Variants in CUBN observed in about 807,000 individuals in gnomAD.
CUBN encodes 460 kDa receptor.
Under a neutral mutation model 405.3 loss-of-function variants are expected in CUBN, and 282 were observed. The ratio of observed to expected loss-of-function variants is 0.70; its 90% CI spans 0.63 to 0.77. The LOEUF (loss-of-function observed/expected upper bound fraction) is 0.77. Ranked by LOEUF, CUBN falls within the 30% of genes least tolerant of loss-of-function variation. CUBN has a pLI of 0.00. For synonymous variants in CUBN, 1,684 were observed against 1,617.0 expected (o/e 1.04, Z -0.99); for missense variants, 4,514 against 4,475.2 (o/e 1.01, Z -0.25).
Position 17,123,639 on chromosome 10 carries a change from G to C in CUBN, c.438C>G (p.Thr146=). ...CSSNPCQNGG[T]CLNLHDSFFC... ...AAAAGGAATCATGCAGATTGAGGCA[G>C]GTTCCACCATTCTGGCAAGGATTGC... Residue 146 remains threonine (T), a synonymous_variant, in exon 5 of 67, where the codon ACC becomes ACG. Transcript: ENST00000377833. 2.5e-6 allele frequency: 4 copies of C among 1,614,096 alleles called. No homozygotes were observed. Among genetic ancestry groups the C allele is most frequent in the Non-Finnish European group, 3.4e-6 (4 of 1,180,022 alleles).
intron 28 of CUBN, 79 bp downstream of exon 28, chr10:17,019,754 C>T (rs1834440966): frequency 6.4e-7 from 1 of 1,552,774 alleles, no homozygotes; most frequent in Non-Finnish European, 8.9e-7. Flanking sequence ...GGTATTGTTT[C>T]TAAGTTTGGA....
chr10:16,960,410 T>C (rs954540005), intron 31 of CUBN, among the ~76,000 whole-genome samples: 7 of 152,104 alleles, frequency 4.6e-5, no homozygotes, highest in African/African-American at 1.7e-4. Context: ...GAGAATTGCT[T>C]GAACCCAGGA....
rs544783535 is a variant in CUBN, at chr10:16,888,491, A to G, written c.8831T>C (p.Met2944Thr). ...AGCCTCTATGACATAGGTGCAATTC[A>G]TGTTGTTGTCATATTGTTTTGGGTA... is the stretch of plus-strand genomic sequence containing the variant. ...PNYPKQYDNN[M>T]NCTYVIEANP... Residue 2944 changes from methionine (M) to threonine (T), a missense_variant, in exon 56 of 67, where the codon ATG (methionine) becomes ACG (threonine). Around this residue, in one of 5 missense-constraint regions of CUBN, gnomAD observed 1,186 missense variants for 1,186.9 expected, o/e 1.00. Transcript: ENST00000377833. The G allele has an allele frequency of 4.0e-5, 65 of 1,613,240 alleles. No individual in the cohort carries two copies. The highest frequency in any genetic ancestry group is 5.4e-5 in the Non-Finnish European group (64 of 1,179,204).
Position 16,899,241 on chromosome 10 carries a change from C to T in CUBN, c.8411-58G>A, listed in dbSNP as rs183233570. 1,933 of 1,262,480 alleles carry T rather than the reference C, an allele frequency of 1.5e-3. 40 individuals are homozygous for T. The Admixed American group carries it at 0.031, about 20-fold the overall frequency. The allele number at this position is 1,262,480 out of a possible 1,614,324, so 78.2% of individuals were successfully genotyped here. A position where few individuals can be genotyped will look rare whatever the true frequency, so the allele number is the denominator to read the frequency against. ...AGCAAGGAAAGTAATTTTGGAAACTCAAGACTGCTACAGAAGGAACATTTC... is the reference window on the plus strand; with the variant it reads ...AGCAAGGAAAGTAATTTTGGAAACTTAAGACTGCTACAGAAGGAACATTTC... On this transcript the variant is annotated intron_variant, in intron 53 of 66. Transcript: ENST00000377833.
chr10:17,116,530 G>A (rs141097188), intron 6 of CUBN, among the ~76,000 whole-genome samples: 34 of 152,280 alleles, frequency 2.2e-4, no homozygotes, highest in African/African-American at 7.0e-4. Flanking sequence ...TGGTGCCAGG[G>A]GTCAGAGACA....
chr10:17,043,684 T>C, intron 26 of CUBN, 143 bp downstream of exon 26: 1 of 1,121,110 alleles, frequency 8.9e-7, no homozygotes, highest in South Asian at 1.2e-5. Context: ...CTTATTTCAG[T>C]TTGTTTCAAG....
chr10:17,004,089 C>A (rs1164479113), intron 28 of CUBN, among the ~76,000 whole-genome samples: 2 of 152,304 alleles, frequency 1.3e-5, no homozygotes, highest in African/African-American at 2.4e-5. Flanking sequence ...CTTATCCAGG[C>A]ACCATCTGTC....
At chr10:16,926,858 T>G (rs1842206422) in intron 41 of CUBN, among the ~76,000 whole-genome samples, 2 of 149,528 alleles carry the variant, frequency 1.3e-5, no homozygotes, top group Admixed American at 1.3e-4. Context: ...CTAATTGGGA[T>G]ACAAGTGGTT....
intron 39 of CUBN, among the ~76,000 whole-genome samples, chr10:16,935,907 A>G (rs1258788034): frequency 1.3e-5 from 2 of 151,476 alleles, no homozygotes; most frequent in African/African-American, 2.4e-5. Context: ...GAAAAAAAAA[A>G]AGAAAGAAAT....
intron 10 of CUBN, among the ~76,000 whole-genome samples, chr10:17,107,482 A>G (rs937226104): frequency 6.7e-6 from 1 of 148,706 alleles, no homozygotes; most frequent in Non-Finnish European, 1.5e-5. Context: ...TTGAATGACA[A>G]TATAAGTTGT....
intron 7 of CUBN, among the ~76,000 whole-genome samples, chr10:17,114,463 A>G (rs1036737209): frequency 1.3e-5 from 2 of 152,182 alleles, no homozygotes; most frequent in Non-Finnish European, 2.9e-5. Flanking sequence ...AAGTCAATAT[A>G]ATTAAAGTCA....
rs549849962 is a variant in CUBN, at chr10:17,110,710, T to C, written c.1015+209A>G. 5.3e-5 allele frequency among the ~76,000 whole-genome samples: 8 copies of C among 152,194 alleles called. No individual in the cohort carries two copies. In the East Asian group the frequency reaches 1.5e-3, roughly 29 times the overall value. On this transcript the variant is annotated intron_variant, in intron 9 of 66. Transcript: ENST00000377833. ...GCCCAGCTAATTTTTGTCTTTTTAGTAGAGACAGGGTTTCACCATGTTGGC... is the reference window on the plus strand; with the variant it reads ...GCCCAGCTAATTTTTGTCTTTTTAGCAGAGACAGGGTTTCACCATGTTGGC...
intron 53 of CUBN, among the ~76,000 whole-genome samples, chr10:16,899,705 G>A (rs1462500048): frequency 6.6e-6 from 1 of 152,064 alleles, no homozygotes; most frequent in African/African-American, 2.4e-5. Flanking sequence ...TAGATTCAAA[G>A]GAAGAAAAAT....
At chr10:17,077,778 G>A (rs1835883817) in intron 17 of CUBN, among the ~76,000 whole-genome samples, 1 of 152,130 alleles carries the variant, frequency 6.6e-6, no homozygotes, top group South Asian at 2.1e-4. Flanking sequence ...AGAATAAGGG[G>A]TGAGGAGGAT....
In CUBN at chr10:16,899,262, A is replaced by G. The variant is rs1841286964; in HGVS notation, c.8411-79T>C. 9 of 1,051,312 alleles carry G rather than the reference A, an allele frequency of 8.6e-6. 1 individual carries two copies. The highest frequency in any genetic ancestry group is 8.5e-5 in the Admixed American group (5 of 58,666). 65.1% of individuals were successfully genotyped at this position (1,051,312 alleles called of 1,614,324 possible). A position where few individuals can be genotyped will look rare whatever the true frequency, so the allele number is the denominator to read the frequency against. ...AACTCAAGACTGCTACAGAAGGAAC[A>G]TTTCCAAATGTGAGATTTCAATTCA... On this transcript the variant is annotated intron_variant, in intron 53 of 66. Transcript: ENST00000377833.
In CUBN at chr10:16,952,373, G is replaced by A. The variant is rs114958584; in HGVS notation, c.4872C>T (p.Ile1624=). ...AQFRQACGGH[I]LTSSFDTVSS... ...AAACAGTATCAAATGAGCTGGTGAG[G>A]ATGTGGCCTCCGCAGGCTGGGGAAC... Residue 1624 remains isoleucine, a synonymous_variant, in exon 33 of 67, where the codon ATC becomes ATT. Transcript: ENST00000377833. The A allele has an allele frequency of 1.6e-3, 2,500 of 1,612,518 alleles. 32 individuals are homozygous for A. The African/African-American group carries it at 0.03, about 19-fold the overall frequency.
intron 14 of CUBN, among the ~76,000 whole-genome samples, chr10:17,090,822 A>G (rs959929131): frequency 3.8e-4 from 53 of 140,604 alleles, no homozygotes; most frequent in African/African-American, 1.6e-3. Flanking sequence ...GTAGAAATGT[A>G]AAGTAAAAAA....
chr10:17,110,968 A>G lies in CUBN; in HGVS notation c.966T>C (p.Val322=). The change falls in exon 9 of 67, where the codon GTT becomes GTC. Residue 322 remains valine (V), a synonymous_variant. Coordinates refer to ENST00000377833, the MANE Select transcript of CUBN (RefSeq NM_001081.4). ...NNGGCSVAPP[V]ECVNTPGSSH... ...AAGACCCAGGTGTATTCACACACTC[A>G]ACGGGTGGAGCCACAGAACAGCCGC... 1 of 1,614,232 alleles carries G rather than the reference A, an allele frequency of 6.2e-7. No homozygotes were observed. The highest frequency in any genetic ancestry group is 8.5e-7 in the Non-Finnish European group (1 of 1,180,036).
intron 31 of CUBN, among the ~76,000 whole-genome samples, chr10:16,955,954 A>T (rs1843051011): frequency 6.6e-6 from 1 of 152,236 alleles, no homozygotes; most frequent in African/African-American, 2.4e-5. Flanking sequence ...TGAAAGTATG[A>T]AGGTAAAATA....
Sources: gnomAD v4.1 joint callset for allele counts (sites outside exome capture counted in the v4.1 genomes callset) on GRCh38, gnomAD v4.1.1 for gene constraint, gnomAD v4.1.1 regional missense constraint, MANE v1.5 for transcripts, NCBI Gene and HGNC (gene_info 2026-07-23, HGNC 2026-07-21) for gene names.